MCF2L: variants seen among roughly 807,000 people sequenced by gnomAD.
MCF2L encodes guanine nucleotide exchange factor DBS.
A neutral mutation model predicts 153.4 loss-of-function variants in MCF2L; 97 were observed. The observed-to-expected ratio is 0.63, with a 90% CI of 0.54 to 0.75. The LOEUF is 0.75. Ranked by LOEUF, MCF2L falls within the 30% of genes least tolerant of loss-of-function variation. The pLI, the probability that MCF2L is intolerant of heterozygous loss-of-function variation, is 0.00. For synonymous variants in MCF2L, 659 were observed against 632.2 expected, an observed-to-expected ratio of 1.04 and a Z score of -0.64; for missense variants, 1,347 against 1,495.2, an observed-to-expected ratio of 0.90 and a Z score of 1.64.
intron 1 of MCF2L, among the ~76,000 whole-genome samples, chr13:112,995,410 A>C (rs546185110): frequency 1.6e-3 from 251 of 152,366 alleles, no homozygotes; most frequent in African/African-American, 6.0e-3. Context: ...AGCTTAGGGC[A>C]GCATCCAGTA....
At chr13:112,979,457 C>T in intron 1 of MCF2L, 1 of 1,424,472 alleles carries the variant, frequency 7.0e-7, no homozygotes, top group Non-Finnish European at 9.1e-7. Context: ...GCTCAGCCCT[C>T]TTGGGTTCTT....
chr13:113,052,204 T>G (rs1409782374), intron 4 of MCF2L, among the ~76,000 whole-genome samples: 1 of 152,218 alleles, frequency 6.6e-6, no homozygotes, highest in Non-Finnish European at 1.5e-5. Context: ...GTCAGTTAAA[T>G]GTAGAAACAT....
chr13:112,929,135 T>C (rs1003019624), intron 2 of MCF2L, among the ~76,000 whole-genome samples: 6 of 152,248 alleles, frequency 3.9e-5, no homozygotes, highest in Admixed American at 2.6e-4. Context: ...CCCTTTCTCC[T>C]GCCTGCACAG....
chr13:112,965,395 A>G (rs1286811658), upstream of MCF2L: 2 of 152,202 alleles, frequency 1.3e-5, no homozygotes, highest in South Asian at 2.1e-4. Flanking sequence ...AGCCTTGCTC[A>G]GTGCTGCACC....
At chr13:113,002,039 TG>T in intron 1 of MCF2L, 1 of 1,464,856 alleles carries the variant, frequency 6.8e-7, no homozygotes, top group Non-Finnish European at 9.0e-7. Context: ...GGGGCGACAG[TG>T]CGGGGACGCC....
At chr13:112,927,496 C>A (rs1436386200) in intron 2 of MCF2L, among the ~76,000 whole-genome samples, 2 of 152,092 alleles carry the variant, frequency 1.3e-5, no homozygotes, top group Non-Finnish European at 2.9e-5. Flanking sequence ...AAAAATGTTT[C>A]CAACGAGCCT....
intron 21 of MCF2L, among the ~76,000 whole-genome samples, chr13:113,086,489 G>A (rs547069305): frequency 1.9e-4 from 29 of 152,158 alleles, no homozygotes; most frequent in Non-Finnish European, 3.4e-4. Context: ...ATCAGGAAGC[G>A]TCCCTTGCTT....
At chr13:113,066,271 A>C (rs1031583105) in intron 8 of MCF2L, 101 bp downstream of exon 8, 6 of 1,389,044 alleles carry the variant, frequency 4.3e-6, no homozygotes, top group Non-Finnish European at 4.7e-6. Context: ...CGGAAATAGC[A>C]AGCAGCGTGG....
rs2081984791 is a variant in MCF2L at position 112,970,000 on chromosome 13, A to G, written c.79+542A>G. On this transcript the variant is annotated intron_variant, in intron 1 of 29. Transcript: ENST00000535094. This position sits in a 1 kb window ranked among gnomAD's most constrained non-coding sequence, Gnocchi z 4.8. ...GGACGTTCATTTTCAGTATTAATCG[A>G]AATATTACTTCAAATAAGCTTTGAA... Among the ~76,000 whole-genome samples the G allele has an allele frequency of 6.6e-6, 1 of 152,108 alleles. No homozygotes were observed. Among genetic ancestry groups the G allele is most frequent in the Non-Finnish European group, 1.5e-5 (1 of 68,030 alleles).
rs2035790654 is a variant in MCF2L at position 113,098,241 on chromosome 13, A to C, written c.*1382A>C. On this transcript the variant is annotated 3_prime_UTR_variant, in exon 30 of 30. Coordinates refer to ENST00000535094, the MANE Select transcript of MCF2L (RefSeq NM_001112732.3). Reference sequence around the variant, plus strand: ...ACCCTCCCAGCGGCTTGTAGCCGTCACTGGCCAGACCTCCAGGGTGCGGAA... The same window carrying C: ...ACCCTCCCAGCGGCTTGTAGCCGTCCCTGGCCAGACCTCCAGGGTGCGGAA... 1 of 152,556 alleles carries C rather than the reference A, an allele frequency of 6.6e-6. No individual in the cohort carries two copies. Among genetic ancestry groups the C allele is most frequent in the Non-Finnish European group, 1.5e-5 (1 of 68,042 alleles). 9.5% of individuals were successfully genotyped at this position (152,556 alleles called of 1,614,324 possible).
intron 2 of MCF2L, among the ~76,000 whole-genome samples, chr13:112,936,666 G>T (rs1240623810): frequency 1.2e-4 from 18 of 152,330 alleles, no homozygotes; most frequent in Admixed American, 9.8e-4. Flanking sequence ...ATGTTTTACA[G>T]TATGCTCCCA....
At chr13:112,919,299 G>A (rs1397930817) in intron 2 of MCF2L, among the ~76,000 whole-genome samples, 6 of 140,542 alleles carry the variant, frequency 4.3e-5, no homozygotes, top group South Asian at 4.5e-4. Flanking sequence ...TCCGCCTCCC[G>A]GGTTCACGCC....
At chr13:113,094,454 G>A (rs1203048561) in intron 26 of MCF2L, 60 bp from the exon 27 acceptor site, 10 of 1,547,938 alleles carry the variant, frequency 6.5e-6, no homozygotes, top group African/African-American at 1.4e-5. Context: ...CCCCACCTCA[G>A]ACAGATGCAG....
chr13:113,097,117 C>T lies in MCF2L; in HGVS notation c.*258C>T. ...GCCCCGGGCGGCAGGCGCCGGGCAG[C>T]GGCATCTCGTCCTGGCTCCACCGTG... On this transcript the variant is annotated 3_prime_UTR_variant, in exon 30 of 30. Transcript: ENST00000535094. 3.0e-6 allele frequency: 1 copy of T among 336,004 alleles called. No homozygotes were observed. The highest frequency in any genetic ancestry group is 5.4e-6 in the Non-Finnish European group (1 of 186,234). 20.8% of individuals were successfully genotyped at this position (336,004 alleles called of 1,614,324 possible). A position where few individuals can be genotyped will look rare whatever the true frequency, so the allele number is the denominator to read the frequency against.
chr13:112,955,410 G>A (rs1016687083), intron 2 of MCF2L, among the ~76,000 whole-genome samples: 1 of 152,168 alleles, frequency 6.6e-6, no homozygotes, highest in African/African-American at 2.4e-5. Flanking sequence ...GCCCATTTTT[G>A]TGTTCAGGTT....
At chr13:113,014,249 A>C (rs1445934942) in intron 1 of MCF2L, among the ~76,000 whole-genome samples, 2 of 152,166 alleles carry the variant, frequency 1.3e-5, no homozygotes, top group African/African-American at 4.8e-5. Flanking sequence ...TCTAATGGCG[A>C]GGCCAGGGTT....
Position 113,020,956 on chromosome 13 carries a change from T to A in MCF2L, c.164-3688T>A, listed in dbSNP as rs185251973. ...ATGCATGTGCATGTGTAGCTGTGTATGTGTATATGTGTGTACTTGTAGATG... is the reference window on the plus strand; with the variant it reads ...ATGCATGTGCATGTGTAGCTGTGTAAGTGTATATGTGTGTACTTGTAGATG... On this transcript the variant is annotated intron_variant, in intron 2 of 29. Coordinates refer to ENST00000535094, the MANE Select transcript of MCF2L (RefSeq NM_001112732.3). Among the ~76,000 whole-genome samples, 171 of 152,256 alleles carry A rather than the reference T, an allele frequency of 1.1e-3. 1 individual carries two copies. The highest frequency in any genetic ancestry group is 3.6e-3 in the African/African-American group (149 of 41,520).
chr13:112,979,389 G>T, intron 1 of MCF2L: 5 of 1,365,564 alleles, frequency 3.7e-6, no homozygotes, highest in African/African-American at 1.5e-5. Context: ...TCTTCCAGGC[G>T]TGCAGGGCAG....
chr13:113,088,219 T>C (rs935370141), intron 23 of MCF2L, 108 bp from the exon 24 acceptor site: 1 of 986,120 alleles, frequency 1.0e-6, no homozygotes, highest in Non-Finnish European at 1.6e-6. Flanking sequence ...CGCAGCCACC[T>C]GACCTTTGAC....
Sources: allele counts gnomAD v4.1 joint callset (sites outside exome capture counted in the v4.1 genomes callset), GRCh38; gene constraint gnomAD v4.1.1; non-coding constraint Gnocchi (gnomAD v3.1); transcripts MANE v1.5; gene names NCBI Gene and HGNC (gene_info 2026-07-23, HGNC 2026-07-21).